Variants in SEPTIN10 observed in about 807,000 individuals in gnomAD.
The protein encoded by SEPTIN10 is septin 10.
SEPTIN10 carries 66 observed loss-of-function variants against 54.8 expected under a neutral mutation model. The observed-to-expected ratio is 1.21, with a 90% CI of 0.99 to 1.48. SEPTIN10 has a LOEUF of 1.48. Among genes scored for constraint, SEPTIN10 ranks in the 40% most tolerant of loss-of-function variants. The pLI is 0.00. For missense variants in SEPTIN10, 620 were observed against 545.6 expected (o/e 1.14, Z -1.36); for synonymous variants, 161 against 181.0 (o/e 0.89, Z 0.89).
intron 2 of SEPTIN10, among the ~76,000 whole-genome samples, chr2:109,589,736 C>CA (rs139110785): frequency 0.13 from 20,359 of 151,032 alleles, 1,847 homozygotes; most frequent in African/African-American, 0.26. Context: ...ATTATATAGC[C>CA]AAAAAAAACC....
intron 9 of SEPTIN10, chr2:109,552,595 G>A (rs1683254809): frequency 6.4e-6 from 1 of 156,904 alleles, no homozygotes. Context: ...ACACTGTGTT[G>A]CCACTGTGGC....
chr2:109,613,335 A>G (rs748245527), intron 1 of SEPTIN10: 5 of 376,248 alleles, frequency 1.3e-5, no homozygotes, highest in Non-Finnish European at 2.4e-5. Context: ...TTGGACGACC[A>G]CACCATCGGA....
chr2:109,593,140 C>G (rs200045785), intron 1 of SEPTIN10, 21 bp from the exon 2 acceptor site: 1 of 1,555,876 alleles, frequency 6.4e-7, no homozygotes, highest in Admixed American at 1.9e-5. Context: ...AATACAAAGG[C>G]TTAAAAGGAA....
intron 8 of SEPTIN10, among the ~76,000 whole-genome samples, chr2:109,561,123 C>T (rs1374834468): frequency 6.6e-6 from 1 of 152,148 alleles, no homozygotes; most frequent in Non-Finnish European, 1.5e-5. Context: ...TGCTGCCTGC[C>T]TGTTCTCTTC....
chr2:109,578,314 A>G (rs546538985), intron 4 of SEPTIN10, among the ~76,000 whole-genome samples: 11 of 152,356 alleles, frequency 7.2e-5, no homozygotes, highest in African/African-American at 2.6e-4. Context: ...AGGGCACAGA[A>G]AGGTTGAAAG....
intron 9 of SEPTIN10, among the ~76,000 whole-genome samples, chr2:109,547,009 C>T (rs146047281): frequency 3.3e-5 from 5 of 152,194 alleles, no homozygotes; most frequent in Non-Finnish European, 5.9e-5. Context: ...TCCCTTTAGG[C>T]GCCTAAAGGC....
At chr2:109,602,300 C>A (rs1012862396) in intron 1 of SEPTIN10, among the ~76,000 whole-genome samples, 1 of 146,212 alleles carries the variant, frequency 6.8e-6, no homozygotes, top group Non-Finnish European at 1.5e-5. Flanking sequence ...AGATTAAGGA[C>A]AATAAAATTA....
At chr2:109,573,397 T>C (rs1040252700) in intron 5 of SEPTIN10, among the ~76,000 whole-genome samples, 2 of 152,222 alleles carry the variant, frequency 1.3e-5, no homozygotes, top group Admixed American at 1.3e-4. Context: ...TTAACAAATA[T>C]GAATTTCCAT....
rs572215787 is a variant in SEPTIN10 at position 109,594,710 on chromosome 2, C to T, written c.31-1591G>A. 10 of 152,376 alleles carry T rather than the reference C, an allele frequency of 6.6e-5. No homozygotes were observed. In the East Asian group the frequency reaches 1.2e-3, roughly 18 times the overall value. 9.4% of individuals were successfully genotyped at this position (152,376 alleles called of 1,614,324 possible). The stretch of plus-strand genomic sequence containing the variant: ...CTCACCGTGATCCTCTGTGCGGGCG[C>T]GTGCACGCATGCGCATGCACACACG... On this transcript the variant is annotated intron_variant, in intron 1 of 10. Transcript: ENST00000397712.
intron 4 of SEPTIN10, among the ~76,000 whole-genome samples, chr2:109,580,319 T>A: frequency 7.1e-6 from 1 of 141,176 alleles, no homozygotes. Context: ...AAAGATTAAA[T>A]GAAAGAAGTC....
chr2:109,565,906 G>GA, intron 6 of SEPTIN10, 47 bp from the exon 7 acceptor site: 1 of 1,448,294 alleles, frequency 6.9e-7, no homozygotes, highest in East Asian at 2.3e-5. Flanking sequence ...TGTGATAACT[G>GA]ACTAGATAAA....
At chr2:109,553,639 G>A (rs1334694224) in intron 8 of SEPTIN10, among the ~76,000 whole-genome samples, 2 of 151,804 alleles carry the variant, frequency 1.3e-5, no homozygotes, top group Non-Finnish European at 2.9e-5. Context: ...GATCACCTGA[G>A]GTCAGGAGTT....
At chr2:109,544,478 G>A in intron 10 of SEPTIN10, 154 bp from the exon 11 acceptor site, 3 of 985,164 alleles carry the variant, frequency 3.0e-6, no homozygotes, top group Non-Finnish European at 3.6e-6. Flanking sequence ...TTTTCTTGAA[G>A]ATAAATTCTT....
intron 1 of SEPTIN10, chr2:109,605,600 C>A (rs1304795552): frequency 6.6e-6 from 1 of 151,984 alleles, no homozygotes; most frequent in African/African-American, 2.4e-5. Context: ...AATCAGAATA[C>A]CTGAGGATAA....
intron 5 of SEPTIN10, among the ~76,000 whole-genome samples, chr2:109,568,404 C>T (rs80060933): frequency 0.023 from 3,198 of 141,930 alleles, 46 homozygotes; most frequent in Non-Finnish European, 0.034. Flanking sequence ...GATGGAGTCT[C>T]GCTGTAACCC....
chr2:109,590,122 A>C (rs939767772), intron 2 of SEPTIN10, among the ~76,000 whole-genome samples: 8 of 151,880 alleles, frequency 5.3e-5, no homozygotes, highest in African/African-American at 1.9e-4. Context: ...ATATATATAC[A>C]CACATACAGA....
In SEPTIN10 at chr2:109,572,609, CTTTTTTTTTTTT is replaced by C. The variant is rs60520770; in HGVS notation, c.600+1960_600+1971del. 2.3e-4 allele frequency among the ~76,000 whole-genome samples: 26 copies of C among 111,222 alleles called. No individual in the cohort carries two copies. The South Asian group carries it at 7.9e-3, about 34-fold the overall frequency. The allele number at this position is 111,222 out of a possible 152,430, so 73.0% of individuals were successfully genotyped here. ...AGACTTCAGCTAACTTTTAAAACAA[CTTTTTTTTTTTT>C]TTTTTTTTTTTTTGAGACGGAGTCT... On this transcript the variant is annotated intron_variant, in intron 5 of 10. Transcript: ENST00000397712.
At chr2:109,567,743 A>G in intron 6 of SEPTIN10, 72 bp downstream of exon 6, 1 of 1,386,580 alleles carries the variant, frequency 7.2e-7, no homozygotes, top group Non-Finnish European at 9.7e-7. Context: ...GTGTATTAGC[A>G]GCAATATTAC....
chr2:109,593,172 C>T (rs1694479447), intron 1 of SEPTIN10, 53 bp from the exon 2 acceptor site: 4 of 1,192,490 alleles, frequency 3.4e-6, no homozygotes, highest in Non-Finnish European at 4.8e-6. Context: ...ACTCCCCAAA[C>T]CCCATTATCT....
Sources: gnomAD v4.1 joint callset for allele counts (sites outside exome capture counted in the v4.1 genomes callset) on GRCh38, gnomAD v4.1.1 for gene constraint, MANE v1.5 for transcripts, NCBI Gene and HGNC (gene_info 2026-07-23, HGNC 2026-07-21) for gene names.